ACSF3: variants seen among roughly 807,000 people sequenced by gnomAD.
The protein encoded by ACSF3 is malonate--CoA ligase ACSF3, mitochondrial.
Under a neutral mutation model 53.2 loss-of-function variants are expected in ACSF3, and 78 were observed. The ratio of observed to expected loss-of-function variants is 1.47; its 90% CI spans 1.22 to 1.77. The LOEUF (loss-of-function observed/expected upper bound fraction) is 1.77. ACSF3 is among the 40% of genes most tolerant of loss of function. The pLI is 0.00. For synonymous variants in ACSF3, 414 were observed against 333.1 expected (o/e 1.24, Z -2.65); for missense variants, 937 against 771.1 (o/e 1.22, Z -2.55).
chr16:89,111,238 C>T (rs1976640182), intron 4 of ACSF3, among the ~76,000 whole-genome samples: 1 of 152,224 alleles, frequency 6.6e-6, no homozygotes, highest in African/African-American at 2.4e-5. Flanking sequence ...TGAAGGGTTC[C>T]AGTCTTTGTC....
At chr16:89,130,519 A>G (rs1909057985) in intron 7 of ACSF3, among the ~76,000 whole-genome samples, 1 of 152,208 alleles carries the variant, frequency 6.6e-6, no homozygotes, top group African/African-American at 2.4e-5. Flanking sequence ...GGTTGCAGTA[A>G]GCCGAGATCA....
At chr16:89,144,482 G>C (rs1411181789) in intron 8 of ACSF3, among the ~76,000 whole-genome samples, 1 of 152,230 alleles carries the variant, frequency 6.6e-6, no homozygotes, top group African/African-American at 2.4e-5. Context: ...CTCTGCGTGG[G>C]CCTTGGTGCC....
intron 1 of ACSF3, chr16:89,095,160 G>C (rs762694361): frequency 1.3e-5 from 2 of 152,210 alleles, no homozygotes; most frequent in Non-Finnish European, 1.5e-5. Context: ...GCTTTGTAGC[G>C]TGAAGCCTGG....
rs572164192 is a variant in ACSF3, at chr16:89,103,069, A to G, written c.822+310A>G. On this transcript the variant is annotated intron_variant, in intron 4 of 10. Coordinates refer to ENST00000614302, the MANE Select transcript of ACSF3 (RefSeq NM_001243279.3). ...AGTAAGAGGTTAACAATAACAGAAC[A>G]GTTATAACCATGTACTGTAATCAAG... 8.5e-5 allele frequency among the ~76,000 whole-genome samples: 13 copies of G among 152,364 alleles called. No individual in the cohort carries two copies. In the South Asian group the frequency reaches 2.7e-3, roughly 32 times the overall value.
intron 8 of ACSF3, among the ~76,000 whole-genome samples, chr16:89,138,741 A>T (rs1444785117): frequency 6.6e-6 from 1 of 152,192 alleles, no homozygotes; most frequent in African/African-American, 2.4e-5. Context: ...CTCCTGCAAG[A>T]TGCCCTTCTG....
chr16:89,149,925 G>A (rs1415102175), intron 10 of ACSF3: 2 of 152,220 alleles, frequency 1.3e-5, no homozygotes, highest in African/African-American at 4.8e-5. Flanking sequence ...CTGTCTATCT[G>A]GGCATTTGAC....
At position 89,100,770 on chromosome 16, in the gene ACSF3, G is replaced by A; in HGVS notation, c.89G>A (p.Gly30Asp). ...GCGCCTGCGAGACACAGAGGAAGTG[G>A]TCTTCTGCACACAGCCCCAGTGGCC... ...RLAPARHRGS[G>D]LLHTAPVARS... Residue 30 changes from glycine to aspartate, a missense_variant, in exon 3 of 11, where the codon GGT (glycine) becomes GAT (aspartate). Transcript: ENST00000614302. 1 of 1,609,924 alleles carries A rather than the reference G, an allele frequency of 6.2e-7. No individual in the cohort carries two copies. The highest frequency in any genetic ancestry group is 8.5e-7 in the Non-Finnish European group (1 of 1,179,934).
rs190594602 is a variant in ACSF3 at position 89,123,554 on chromosome 16, C to T, written c.1239+2641C>T. The stretch of plus-strand genomic sequence containing the variant: ...CTTGTCTGTGCCGAGGCGTGGGTCC[C>T]GGCCAGCGTCCCTCCCCAGAAGGTC... On this transcript the variant is annotated intron_variant, in intron 7 of 10. Coordinates refer to ENST00000614302, the MANE Select transcript of ACSF3 (RefSeq NM_001243279.3). 2.3e-3 allele frequency among the ~76,000 whole-genome samples: 345 copies of T among 152,270 alleles called. 1 individual carries two copies. The highest frequency in any genetic ancestry group is 7.5e-3 in the African/African-American group (313 of 41,546).
In ACSF3 at chr16:89,146,470, C is replaced by T. The variant is rs141420975; in HGVS notation, c.1613+421C>T. 2.7e-3 allele frequency among the ~76,000 whole-genome samples: 404 copies of T among 152,318 alleles called. 2 individuals carry two copies. Among genetic ancestry groups the T allele is most frequent in the African/African-American group, 9.1e-3 (380 of 41,558 alleles). ...GGCCACAGGCAGCCTGTCCACCTGC[C>T]GCCCCAAAGCCAGTGCTGGGCCCCA... On this transcript the variant is annotated intron_variant, in intron 10 of 10. Coordinates refer to ENST00000614302, the MANE Select transcript of ACSF3 (RefSeq NM_001243279.3).
chr16:89,154,281 G>A lies in ACSF3; in HGVS notation c.*74G>A, dbSNP rs756522850. 5.5e-5 allele frequency: 77 copies of A among 1,399,868 alleles called. No homozygotes were observed. Among genetic ancestry groups the A allele is most frequent in the Middle Eastern group, 3.5e-4 (2 of 5,700 alleles). 86.7% of individuals were successfully genotyped at this position (1,399,868 alleles called of 1,614,324 possible). On this transcript the variant is annotated 3_prime_UTR_variant, in exon 11 of 11. Coordinates refer to ENST00000614302, the MANE Select transcript of ACSF3 (RefSeq NM_001243279.3). ...TTCACACCGAGAACCACGGGGGCCC[G>A]TCCAAGACCTGGCCTCCCTTAAACC... is the stretch of plus-strand genomic sequence containing the variant.
At chr16:89,153,557 C>T (rs1057223244) in intron 10 of ACSF3, 65 of 174,164 alleles carry the variant, frequency 3.7e-4, no homozygotes, top group African/African-American at 1.4e-3. Context: ...CCGTGCAGGG[C>T]TCTGTGAGGC....
Position 89,135,822 on chromosome 16 carries a change from T to C in ACSF3, c.1366+2560T>C, listed in dbSNP as rs1276604986. On this transcript the variant is annotated intron_variant, in intron 8 of 10. Coordinates refer to ENST00000614302, the MANE Select transcript of ACSF3 (RefSeq NM_001243279.3). ...CGGAGTCTCGCTCTGTCGCCCAGTC[T>C]GCAGTGCAGTGGCACGATCTCAGCT... 3.9e-5 allele frequency among the ~76,000 whole-genome samples: 6 copies of C among 152,274 alleles called. No individual in the cohort carries two copies. In the East Asian group the frequency reaches 1.2e-3, roughly 29 times the overall value.
intron 10 of ACSF3, chr16:89,153,069 C>T (rs1914297900): frequency 6.6e-6 from 1 of 152,620 alleles, no homozygotes; most frequent in African/African-American, 2.4e-5. Flanking sequence ...CTGGCCGCGT[C>T]TGGACGGCAG....
Position 89,120,903 on chromosome 16 carries a change from G to A in ACSF3, c.1229G>A (p.Arg410Lys), listed in dbSNP as rs756223488. 6.8e-6 allele frequency: 11 copies of A among 1,613,844 alleles called. No homozygotes were observed. In the East Asian group the frequency reaches 1.8e-4, roughly 26 times the overall value. ...SYTIHAEGDE[R>K]GTKVTPGFEE... ...ACCATCCACGCAGAGGGAGACGAGA[G>A]GGGGACCAAGGTAAGCCACTCTGCT... Residue 410 changes from arginine (R) to lysine (K), a missense_variant, in exon 7 of 11, where the codon AGG (arginine) becomes AAG (lysine). Physicochemically the swap from Arg to Lys is conservative, Grantham distance 26. Coordinates refer to ENST00000614302, the MANE Select transcript of ACSF3 (RefSeq NM_001243279.3).
intron 5 of ACSF3, among the ~76,000 whole-genome samples, chr16:89,112,459 C>G (rs529451174): frequency 1.3e-5 from 2 of 151,978 alleles, no homozygotes; most frequent in Non-Finnish European, 2.9e-5. Context: ...ATCTCTTCCA[C>G]GTCGATAGCT....
rs767268139 is a variant in ACSF3, at chr16:89,101,129, C to G, written c.448C>G (p.Gln150Glu). The change falls in exon 3 of 11, where the codon CAG becomes GAG. Residue 150 changes from glutamine (Q) to glutamate (E), a missense_variant. Coordinates refer to ENST00000614302, the MANE Select transcript of ACSF3 (RefSeq NM_001243279.3). ...DSQSSVVLAS[Q>E]EYLELLSPVV... ...CCAGAGCTCTGTGGTCCTTGCCAGC[C>G]AGGAGTACCTGGAGCTCCTGAGCCC... 1.2e-6 allele frequency: 2 copies of G among 1,614,060 alleles called. No individual in the cohort carries two copies. Among genetic ancestry groups the G allele is most frequent in the African/African-American group, 2.7e-5 (2 of 75,052 alleles).
At chr16:89,145,485 T>A (rs1912749667) in intron 9 of ACSF3, 84 bp downstream of exon 9, 2 of 1,523,856 alleles carry the variant, frequency 1.3e-6, no homozygotes, top group Non-Finnish European at 1.8e-6. Context: ...TGCAGATGAG[T>A]CGACGCCGTC....
intron 2 of ACSF3, 45 bp from the exon 3 acceptor site, chr16:89,100,617 A>G (rs1975157478): frequency 1.3e-6 from 2 of 1,542,626 alleles, no homozygotes; most frequent in African/African-American, 1.4e-5. Context: ...CCACGTTTGG[A>G]TGGGACAGTT....
intron 5 of ACSF3, 89 bp downstream of exon 5, chr16:89,112,335 C>G (rs1035535661): frequency 1.9e-6 from 3 of 1,543,918 alleles, no homozygotes; most frequent in Non-Finnish European, 2.7e-6. Context: ...CTACTAAGTT[C>G]TGGGAAGCAG....
Sources: gnomAD v4.1 joint callset for allele counts (sites outside exome capture counted in the v4.1 genomes callset) on GRCh38, gnomAD v4.1.1 for gene constraint, MANE v1.5 for transcripts, NCBI Gene and HGNC (gene_info 2026-07-23, HGNC 2026-07-21) for gene names.